TRIM35: variants seen among roughly 807,000 people sequenced by gnomAD.
TRIM35 encodes E3 ubiquitin-protein ligase TRIM35.
TRIM35 carries 37 observed loss-of-function variants against 49.1 expected under a neutral mutation model. That is an observed-to-expected ratio of 0.75 (90% CI 0.58 to 0.99). The LOEUF is 0.99. Ranked by LOEUF, TRIM35 falls within the 50% of genes least tolerant of loss-of-function variation. The pLI, the probability that TRIM35 is intolerant of heterozygous loss-of-function variation, is 0.00. For synonymous variants in TRIM35, 302 were observed against 289.3 expected, an observed-to-expected ratio of 1.04 and a Z score of -0.45; for missense variants, 648 against 702.7, an observed-to-expected ratio of 0.92 and a Z score of 0.88.
chr8:27,308,052 C>A (rs763514611), intron 1 of TRIM35, among the ~76,000 whole-genome samples: 3 of 152,042 alleles, frequency 2.0e-5, no homozygotes, highest in African/African-American at 4.8e-5. Context: ...AGATGCAGAA[C>A]GGAATGACAC....
chr8:27,303,997 G>A (rs1052505566), intron 1 of TRIM35, among the ~76,000 whole-genome samples: 9 of 152,272 alleles, frequency 5.9e-5, no homozygotes, highest in South Asian at 4.2e-4. Flanking sequence ...TCCAGCCTAC[G>A]TTAAAGATTA....
chr8:27,295,137 T>C (rs1802539802), intron 2 of TRIM35, among the ~76,000 whole-genome samples: 1 of 152,162 alleles, frequency 6.6e-6, no homozygotes, highest in Non-Finnish European at 1.5e-5. Context: ...CAAAAAGTTT[T>C]TTAAAAGGGA....
At chr8:27,289,335 G>A (rs533414782) in intron 4 of TRIM35, 55 bp from the exon 5 acceptor site, 70 of 1,454,412 alleles carry the variant, frequency 4.8e-5, no homozygotes, top group African/African-American at 3.9e-4. Context: ...AACCTGGGCC[G>A]AACTGGGCCA....
rs536206083 is a variant in TRIM35, at chr8:27,311,249, G to C, written c.-14C>G. 1.3e-6 allele frequency: 2 copies of C among 1,493,598 alleles called. No homozygotes were observed. The highest frequency in any genetic ancestry group is 8.9e-7 in the Non-Finnish European group (1 of 1,120,832). The allele number at this position is 1,493,598 out of a possible 1,614,324, so 92.5% of individuals were successfully genotyped here. A position where few individuals can be genotyped will look rare whatever the true frequency, so the allele number is the denominator to read the frequency against. On this transcript the variant is annotated 5_prime_UTR_variant, in exon 1 of 6. Transcript: ENST00000305364. ...ACTCCGCTCCATGGCACGAGCAGCC[G>C]GCTCGGGCGCCCGGAACTTTTGCTC...
chr8:27,294,204 G>T lies in TRIM35; in HGVS notation c.638C>A (p.Thr213Lys). The T allele has an allele frequency of 6.2e-7, 1 of 1,614,174 alleles. No individual in the cohort carries two copies. Among genetic ancestry groups the T allele is most frequent in the Non-Finnish European group, 8.5e-7 (1 of 1,180,038 alleles). ...GTCGGCCAGAAGTTGCTTCTGCCTT[G>T]TCTCCTCGGCCATGGCATCCAGAAT... is the stretch of plus-strand genomic sequence containing the variant. Reference protein sequence around the residue: ...QAILDAMAEETRQKQLLADEK... With the variant: ...QAILDAMAEEKRQKQLLADEK... The change falls in exon 3 of 6, where the codon ACA becomes AAA. Residue 213 changes from threonine to lysine, a missense_variant. Coordinates refer to ENST00000305364, the MANE Select transcript of TRIM35 (RefSeq NM_171982.5).
intron 1 of TRIM35, among the ~76,000 whole-genome samples, chr8:27,305,185 T>C (rs564934113): frequency 6.6e-6 from 1 of 152,388 alleles, no homozygotes; most frequent in South Asian, 2.1e-4. Flanking sequence ...AGCTCTTAAG[T>C]GCCACCTACA....
intron 2 of TRIM35, among the ~76,000 whole-genome samples, chr8:27,295,091 T>C (rs1057116385): frequency 1.3e-5 from 2 of 152,220 alleles, no homozygotes; most frequent in African/African-American, 4.8e-5. Context: ...CCCAAAGTGC[T>C]GGGATTACAA....
At chr8:27,293,680 C>T (rs1802501646) in intron 3 of TRIM35, among the ~76,000 whole-genome samples, 1 of 151,934 alleles carries the variant, frequency 6.6e-6, no homozygotes, top group South Asian at 2.1e-4. Context: ...CTCACCCCTA[C>T]CTGACTGGTA....
chr8:27,290,194 TA>T lies in TRIM35; in HGVS notation c.763-17del, dbSNP rs756439681. ...TCTTGTGTTTCTGAAAAAATAAAAA[TA>T]AAAAAATAACACAGAGACACAGATG... On this transcript the variant is annotated splice_polypyrimidine_tract_variant and intron_variant, in intron 3 of 5. Transcript: ENST00000305364. The T allele has an allele frequency of 3.2e-5, 52 of 1,613,030 alleles. No homozygotes were observed. Among genetic ancestry groups the T allele is most frequent in the Non-Finnish European group, 4.2e-5 (50 of 1,179,386 alleles).
At chr8:27,292,628 C>T (rs1238964493) in intron 3 of TRIM35, among the ~76,000 whole-genome samples, 1 of 152,118 alleles carries the variant, frequency 6.6e-6, no homozygotes, top group African/African-American at 2.4e-5. Context: ...CTAGTGGTTG[C>T]CAGGGGCTGC....
At chr8:27,298,944 G>A (rs1211450710) in intron 1 of TRIM35, among the ~76,000 whole-genome samples, 1 of 152,160 alleles carries the variant, frequency 6.6e-6, no homozygotes. Flanking sequence ...CAGACAGTGT[G>A]GTCATAGGTT....
rs1039650565 is a variant in TRIM35 at position 27,287,117 on chromosome 8, G to C, written c.*433C>G. Reference sequence around the variant, plus strand: ...CCCTCCTTCCGCCTTCTGACCCACCGTGGGGCTTTCCTATGTGGCCCCTCC... The same window carrying C: ...CCCTCCTTCCGCCTTCTGACCCACCCTGGGGCTTTCCTATGTGGCCCCTCC... On this transcript the variant is annotated 3_prime_UTR_variant, in exon 6 of 6. Transcript: ENST00000305364. This position sits in a 1 kb window ranked among gnomAD's most constrained non-coding sequence, Gnocchi z 6.0. 2 of 158,558 alleles carry C rather than the reference G, an allele frequency of 1.3e-5. No individual in the cohort carries two copies. 9.8% of individuals were successfully genotyped at this position (158,558 alleles called of 1,614,324 possible).
chr8:27,285,922 G>A lies in TRIM35; in HGVS notation c.*1628C>T, dbSNP rs1461824087. 11 of 343,890 alleles carry A rather than the reference G, an allele frequency of 3.2e-5. No individual in the cohort carries two copies. Among genetic ancestry groups the A allele is most frequent in the East Asian group, 7.6e-5 (1 of 13,166 alleles). 21.3% of individuals were successfully genotyped at this position (343,890 alleles called of 1,614,324 possible). A position where few individuals can be genotyped will look rare whatever the true frequency, so the allele number is the denominator to read the frequency against. On this transcript the variant is annotated 3_prime_UTR_variant, in exon 6 of 6. Coordinates refer to ENST00000305364, the MANE Select transcript of TRIM35 (RefSeq NM_171982.5). Reference sequence around the variant, plus strand: ...ACTGGTTTGCCAACATCCTCACCACGCCCAATCCAGCCCCTTCACACACTG... The same window carrying A: ...ACTGGTTTGCCAACATCCTCACCACACCCAATCCAGCCCCTTCACACACTG...
rs185776694 is a variant in TRIM35, at chr8:27,294,286, G to C, written c.556C>G (p.Arg186Gly). 3.7e-6 allele frequency: 6 copies of C among 1,613,856 alleles called. No homozygotes were observed. The Admixed American group carries it at 1.0e-4, about 27-fold the overall frequency. ...NQVEAAWLEG[R>G]IRQEFDKLRE... ...AGCTTATCAAACTCCTGCCGGATCC[G>C]GCCTTCCAGCCATGCAGCCTCCACC... Residue 186 changes from arginine to glycine, a missense_variant, in exon 3 of 6, where the codon CGG becomes GGG. Coordinates refer to ENST00000305364, the MANE Select transcript of TRIM35 (RefSeq NM_171982.5).
intron 1 of TRIM35, chr8:27,304,946 C>A: frequency 5.3e-6 from 2 of 380,292 alleles, no homozygotes; most frequent in Non-Finnish European, 1.0e-5. Flanking sequence ...ATTGATGTAG[C>A]AGCCAAGAGT....
intron 2 of TRIM35, 42 bp downstream of exon 2, chr8:27,298,422 G>T: frequency 6.3e-7 from 1 of 1,583,464 alleles, no homozygotes; most frequent in Non-Finnish European, 8.7e-7. Context: ...AGACTGCCCT[G>T]AGTGGACCCA....
intron 5 of TRIM35, 91 bp from the exon 6 acceptor site, chr8:27,288,218 G>T: frequency 2.4e-6 from 3 of 1,257,858 alleles, no homozygotes; most frequent in Non-Finnish European, 3.3e-6. Context: ...CAACCACTGT[G>T]TCACACCTGG....
intron 1 of TRIM35, among the ~76,000 whole-genome samples, chr8:27,309,396 A>G (rs746471772): frequency 3.3e-5 from 5 of 152,212 alleles, no homozygotes; most frequent in African/African-American, 1.2e-4. Context: ...CAGGAGTAAC[A>G]GGGTTACTCA....
At chr8:27,296,120 C>G (rs1353197900) in intron 2 of TRIM35, among the ~76,000 whole-genome samples, 1 of 148,974 alleles carries the variant, frequency 6.7e-6, no homozygotes, top group Non-Finnish European at 1.5e-5. Flanking sequence ...CTGATAATGT[C>G]TGCATTGGAG....
Sources: allele counts gnomAD v4.1 joint callset (sites outside exome capture counted in the v4.1 genomes callset), GRCh38; gene constraint gnomAD v4.1.1; non-coding constraint Gnocchi (gnomAD v3.1); transcripts MANE v1.5; gene names NCBI Gene and HGNC (gene_info 2026-07-23, HGNC 2026-07-21).